Variants in EEPD1 observed in about 807,000 individuals in gnomAD.
EEPD1 encodes the protein endonuclease/exonuclease/phosphatase family domain containing 1.
In EEPD1, 17 loss-of-function variants were observed where a neutral mutation model predicts 46.3. The ratio of observed to expected loss-of-function variants is 0.37; its 90% CI spans 0.25 to 0.55. The LOEUF is 0.55. EEPD1 is among the 20% of genes least tolerant of loss of function. The pLI, the probability that EEPD1 is intolerant of heterozygous loss-of-function variation, is 0.83. For synonymous variants in EEPD1, 313 were observed against 315.6 expected (o/e 0.99, Z 0.09); for missense variants, 673 against 745.6 (o/e 0.90, Z 1.13).
chr7:36,187,127 G>A (rs1205803353), intron 2 of EEPD1, among the ~76,000 whole-genome samples: 1 of 152,150 alleles, frequency 6.6e-6, no homozygotes, highest in Non-Finnish European at 1.5e-5. Context: ...TTTTGCCCTT[G>A]TTACAACTCA....
chr7:36,240,739 A>C (rs1786542713), intron 3 of EEPD1, among the ~76,000 whole-genome samples: 1 of 152,228 alleles, frequency 6.6e-6, no homozygotes, highest in South Asian at 2.1e-4. Context: ...CTTAGGCAGC[A>C]GTTCCCAACC....
intron 2 of EEPD1, among the ~76,000 whole-genome samples, chr7:36,226,531 G>A (rs1186948625): frequency 6.6e-6 from 1 of 152,160 alleles, no homozygotes; most frequent in African/African-American, 2.4e-5. Context: ...CCAAAAACAT[G>A]TTCAGGAACT....
At chr7:36,230,527 C>G (rs1786305166) in intron 2 of EEPD1, among the ~76,000 whole-genome samples, 1 of 152,180 alleles carries the variant, frequency 6.6e-6, no homozygotes, top group Admixed American at 6.5e-5. Flanking sequence ...CATGCTCACT[C>G]TGTCCCCTTG....
chr7:36,234,341 G>A (rs553213096), intron 2 of EEPD1, among the ~76,000 whole-genome samples: 15 of 152,236 alleles, frequency 9.9e-5, no homozygotes, highest in South Asian at 8.3e-4. Flanking sequence ...TGTACAAAGG[G>A]TATGAAGAAT....
rs542220581 is a variant in EEPD1 at position 36,250,129 on chromosome 7, G to A, written c.930+11093G>A. 5.9e-5 allele frequency among the ~76,000 whole-genome samples: 9 copies of A among 152,272 alleles called. No individual in the cohort carries two copies. The South Asian group carries it at 1.9e-3, about 32-fold the overall frequency. On this transcript the variant is annotated intron_variant, in intron 3 of 7. Transcript: ENST00000242108. ...CCCCGCTACTCAGGAGGCTGAGGTG[G>A]GAGGATCACTTGAGCCTGGGAGGCC... is the stretch of plus-strand genomic sequence containing the variant.
At chr7:36,161,269 G>A (rs904320013) in intron 2 of EEPD1, among the ~76,000 whole-genome samples, 16 of 152,190 alleles carry the variant, frequency 1.1e-4, no homozygotes, top group African/African-American at 3.9e-4. Flanking sequence ...GTGGTCGGGG[G>A]CTCACCGTCT....
At chr7:36,164,253 T>G (rs562953668) in intron 2 of EEPD1, among the ~76,000 whole-genome samples, 3 of 152,386 alleles carry the variant, frequency 2.0e-5, no homozygotes, top group African/African-American at 7.2e-5. Context: ...CATCTTCGTT[T>G]TCTTAGAAAC....
rs116026197 is a variant in EEPD1, at chr7:36,219,225, A to T, written c.879-19760A>T. On this transcript the variant is annotated intron_variant, in intron 2 of 7. Coordinates refer to ENST00000242108, the MANE Select transcript of EEPD1 (RefSeq NM_030636.3). The stretch of plus-strand genomic sequence containing the variant: ...CAGTGTGTCTATGAGTCTTCACCAT[A>T]TAGTGCCCTAAACTTTCTTGTAGAT... Among the ~76,000 whole-genome samples the T allele has an allele frequency of 5.9e-3, 901 of 152,166 alleles. 11 individuals carry two copies. The highest frequency in any genetic ancestry group is 0.021 in the African/African-American group (871 of 41,496).
At chr7:36,288,919 G>A (rs938051268) in intron 6 of EEPD1, among the ~76,000 whole-genome samples, 1 of 152,186 alleles carries the variant, frequency 6.6e-6, no homozygotes, top group African/African-American at 2.4e-5. Context: ...TCAGAACACT[G>A]ACCTTGTCTA....
Position 36,246,412 on chromosome 7 carries a change from G to C in EEPD1, c.930+7376G>C, listed in dbSNP as rs4723503. Among the ~76,000 whole-genome samples the C allele has an allele frequency of 5.0e-3, 769 of 152,326 alleles. 2 individuals carry two copies. Among genetic ancestry groups the C allele is most frequent in the Non-Finnish European group, 7.9e-3 (539 of 68,020 alleles). On this transcript the variant is annotated intron_variant, in intron 3 of 7. Transcript: ENST00000242108. ...ATAATACCTATCCTATTAGGATATT[G>C]TTATGAGAACTAAGTGAGATGTGTG...
At chr7:36,298,968 C>G in intron 7 of EEPD1, 39 bp from the exon 8 acceptor site, 4 of 1,603,936 alleles carry the variant, frequency 2.5e-6, no homozygotes, top group South Asian at 1.1e-5. Flanking sequence ...CCCAACCCCC[C>G]ATCCTGATTC....
chr7:36,275,445 A>T (rs144611711), intron 3 of EEPD1, among the ~76,000 whole-genome samples: 88 of 151,832 alleles, frequency 5.8e-4, no homozygotes, highest in African/African-American at 1.5e-3. Context: ...TATTATTATT[A>T]TTTTTATTTA....
Position 36,186,915 on chromosome 7 carries a change from G to T in EEPD1, c.878+31713G>T, listed in dbSNP as rs535902937. Among the ~76,000 whole-genome samples, 4 of 152,334 alleles carry T rather than the reference G, an allele frequency of 2.6e-5. 1 individual carries two copies. In the South Asian group the frequency reaches 8.3e-4, roughly 32 times the overall value. On this transcript the variant is annotated intron_variant, in intron 2 of 7. Coordinates refer to ENST00000242108, the MANE Select transcript of EEPD1 (RefSeq NM_030636.3). ...GGTTAGCTCATCTACTGTTACGATT[G>T]TAAATATGGGAATTATGTCAGAATA...
chr7:36,183,360 G>A (rs1343027382), intron 2 of EEPD1, among the ~76,000 whole-genome samples: 2 of 152,150 alleles, frequency 1.3e-5, no homozygotes, highest in East Asian at 1.9e-4. Flanking sequence ...ACGTGGTCAC[G>A]TCTCCCTGTG....
rs1787362184 is a variant in EEPD1 at position 36,287,722 on chromosome 7, C to A, written c.1260C>A (p.His420Gln). ...LLGSENPSKNHSDGHRLASFA... is the reference protein window; with the variant it reads ...LLGSENPSKNQSDGHRLASFA... ...GGAGCGAGAATCCCAGCAAGAATCACAGTGATGGCCACCGGTTGGCGAGCT... is the reference window on the plus strand; with the variant it reads ...GGAGCGAGAATCCCAGCAAGAATCAAAGTGATGGCCACCGGTTGGCGAGCT... Residue 420 changes from histidine to glutamine, a missense_variant, in exon 6 of 8, where the codon CAC becomes CAA. Physicochemically the swap from His to Gln is conservative, Grantham distance 24. Coordinates refer to ENST00000242108, the MANE Select transcript of EEPD1 (RefSeq NM_030636.3). The A allele has an allele frequency of 1.2e-6, 2 of 1,614,082 alleles. No individual in the cohort carries two copies. Among genetic ancestry groups the A allele is most frequent in the African/African-American group, 1.3e-5 (1 of 74,920 alleles).
At chr7:36,250,413 C>A (rs1786717169) in intron 3 of EEPD1, among the ~76,000 whole-genome samples, 1 of 152,146 alleles carries the variant, frequency 6.6e-6, no homozygotes, top group Non-Finnish European at 1.5e-5. Context: ...GGAGATGGAG[C>A]TGCCCTGAGT....
chr7:36,196,845 A>G (rs1391812115), intron 2 of EEPD1, among the ~76,000 whole-genome samples: 4 of 148,648 alleles, frequency 2.7e-5, no homozygotes, highest in Admixed American at 6.6e-5. Flanking sequence ...CCGTCTGGGA[A>G]GTGAGGAGCG....
In EEPD1 at chr7:36,193,722, T is replaced by C. The variant is rs2115683777; in HGVS notation, c.878+38520T>C. 6.6e-6 allele frequency among the ~76,000 whole-genome samples: 1 copy of C among 152,284 alleles called. No individual in the cohort carries two copies. Among genetic ancestry groups the C allele is most frequent in the African/African-American group, 2.4e-5 (1 of 41,552 alleles). ...CAAGAAAATGTTCCTAGGGCTATGT[T>C]TCCAAGAGGAATTCAGAAACCCAGG... On this transcript the variant is annotated intron_variant, in intron 2 of 7. Transcript: ENST00000242108. This position sits in a 1 kb window ranked among gnomAD's most constrained non-coding sequence, Gnocchi z 4.9.
chr7:36,168,992 TTTAC>T (rs1357245755), intron 2 of EEPD1, among the ~76,000 whole-genome samples: 12 of 152,236 alleles, frequency 7.9e-5, no homozygotes, highest in South Asian at 2.1e-4. Flanking sequence ...GCCTGACTTT[TTTAC>T]TTAGCATGAT....
Sources: allele counts gnomAD v4.1 joint callset (sites outside exome capture counted in the v4.1 genomes callset), GRCh38; gene constraint gnomAD v4.1.1; non-coding constraint Gnocchi (gnomAD v3.1); transcripts MANE v1.5; gene names NCBI Gene and HGNC (gene_info 2026-07-23, HGNC 2026-07-21).